GALNT14: variants seen among roughly 807,000 people sequenced by gnomAD.
The protein encoded by GALNT14 is polypeptide N-acetylgalactosaminyltransferase 14.
Under a neutral mutation model 77.5 loss-of-function variants are expected in GALNT14, and 60 were observed. That is an observed-to-expected ratio of 0.77 (90% CI 0.63 to 0.96). GALNT14 has a LOEUF of 0.96. Ranked by LOEUF, GALNT14 falls within the 40% of genes least tolerant of loss-of-function variation. The pLI, the probability that GALNT14 is intolerant of heterozygous loss-of-function variation, is 0.00. For missense variants in GALNT14, 710 were observed against 731.0 expected, an observed-to-expected ratio of 0.97 and a Z score of 0.33; for synonymous variants, 280 against 281.7, an observed-to-expected ratio of 0.99 and a Z score of 0.06.
In GALNT14 at chr2:30,992,835, T is replaced by G. The variant is rs1669789941; in HGVS notation, c.299+3A>C. 1.1e-5 allele frequency: 18 copies of G among 1,612,470 alleles called. No individual in the cohort carries two copies. The highest frequency in any genetic ancestry group is 1.5e-5 in the Non-Finnish European group (18 of 1,178,724). On this transcript the variant is annotated splice_donor_region_variant and intron_variant, in intron 2 of 14. Coordinates refer to ENST00000349752, the MANE Select transcript of GALNT14 (RefSeq NM_024572.4). The stretch of plus-strand genomic sequence containing the variant: ...GTAACAGAGTGGGAGAAGGAGGAAG[T>G]ACCTCAGATGGCGAGTGTCCGGGAT...
At chr2:30,994,921 T>C (rs1669929855) in intron 1 of GALNT14, among the ~76,000 whole-genome samples, 1 of 152,072 alleles carries the variant, frequency 6.6e-6, no homozygotes, top group South Asian at 2.1e-4. Context: ...TTCAATTACA[T>C]GAGCACGATG....
chr2:30,924,903 C>T (rs1229497549), intron 11 of GALNT14, 80 bp from the exon 12 acceptor site: 6 of 1,173,808 alleles, frequency 5.1e-6, no homozygotes, highest in Non-Finnish European at 7.5e-6. Flanking sequence ...CCAGTCCAGA[C>T]TGAGAACACA....
intron 1 of GALNT14, among the ~76,000 whole-genome samples, chr2:31,046,284 C>A (rs1266609059): frequency 6.8e-6 from 1 of 147,794 alleles, no homozygotes; most frequent in African/African-American, 2.5e-5. Flanking sequence ...TGGAGTGCAG[C>A]GGCACAATCT....
chr2:30,892,997 C>T, the GALNT14 span, among the ~76,000 whole-genome samples: 1 of 152,110 alleles, frequency 6.6e-6, no homozygotes, highest in Non-Finnish European at 1.5e-5. Flanking sequence ...AAATGTTATA[C>T]CTTTATAAAA....
chr2:30,955,927 T>G lies in GALNT14; in HGVS notation c.517A>C (p.Asn173His). ...IKLPKVKCLRNNERQGLVRSR... is the reference protein window; with the variant it reads ...IKLPKVKCLRHNERQGLVRSR... Reference sequence around the variant, plus strand: ...TCAGACCTACCTTGCCGTTCATTATTGCGCAAGCATTTCACCTTGGGCAAC... The same window carrying G: ...TCAGACCTACCTTGCCGTTCATTATGGCGCAAGCATTTCACCTTGGGCAAC... Residue 173 changes from asparagine to histidine, a missense_variant, in exon 5 of 15, where the codon AAT (asparagine) becomes CAT (histidine). Transcript: ENST00000349752. 1 of 1,614,140 alleles carries G rather than the reference T, an allele frequency of 6.2e-7. No individual in the cohort carries two copies. The highest frequency in any genetic ancestry group is 8.5e-7 in the Non-Finnish European group (1 of 1,180,056).
intron 2 of GALNT14, among the ~76,000 whole-genome samples, chr2:30,977,003 G>A (rs561193547): frequency 1.1e-4 from 17 of 152,092 alleles, no homozygotes; most frequent in South Asian, 2.1e-4. Flanking sequence ...CCTACCAGTC[G>A]GTGCCCTCAC....
the GALNT14 span, among the ~76,000 whole-genome samples, chr2:30,904,864 G>A: frequency 1.1e-4 from 17 of 152,194 alleles, no homozygotes; most frequent in African/African-American, 3.9e-4. Flanking sequence ...CTGGAGATCT[G>A]AGAACGGGCA....
At chr2:31,093,742 T>C (rs1398957675) in intron 1 of GALNT14, among the ~76,000 whole-genome samples, 1 of 152,266 alleles carries the variant, frequency 6.6e-6, no homozygotes, top group Non-Finnish European at 1.5e-5. Flanking sequence ...TTTATTTCTG[T>C]AGCATCCAGC....
the GALNT14 span, among the ~76,000 whole-genome samples, chr2:30,901,287 A>C: frequency 6.6e-6 from 1 of 152,166 alleles, no homozygotes; most frequent in African/African-American, 2.4e-5. Context: ...CAAGAGAGTG[A>C]GTCTCAGATC....
chr2:30,889,884 G>A, the GALNT14 span, among the ~76,000 whole-genome samples: 1 of 152,106 alleles, frequency 6.6e-6, no homozygotes, highest in South Asian at 2.1e-4. Flanking sequence ...CAAAACTCAA[G>A]TATTTTCTTG....
At chr2:31,031,585 T>C (rs555714727) in intron 1 of GALNT14, among the ~76,000 whole-genome samples, 1 of 152,276 alleles carries the variant, frequency 6.6e-6, no homozygotes, top group South Asian at 2.1e-4. Flanking sequence ...CCACTTCCTC[T>C]CACCTCCAAC....
intron 11 of GALNT14, among the ~76,000 whole-genome samples, chr2:30,927,407 T>C (rs772675936): frequency 1.3e-5 from 2 of 152,220 alleles, no homozygotes; most frequent in Non-Finnish European, 2.9e-5. Flanking sequence ...AGAATTTTCA[T>C]TTTAACAAGA....
At chr2:30,965,835 G>A (rs747544309) in intron 3 of GALNT14, among the ~76,000 whole-genome samples, 3 of 152,150 alleles carry the variant, frequency 2.0e-5, no homozygotes, top group Non-Finnish European at 2.9e-5. Context: ...TGGGGCTGGG[G>A]TGTGCACTCA....
intron 13 of GALNT14, among the ~76,000 whole-genome samples, chr2:30,918,284 G>A (rs1158630012): frequency 6.6e-6 from 1 of 152,176 alleles, no homozygotes; most frequent in East Asian, 1.9e-4. Context: ...TGATACCAGG[G>A]CTAGAATCCC....
intron 2 of GALNT14, among the ~76,000 whole-genome samples, chr2:30,974,689 G>C (rs1040807512): frequency 2.6e-5 from 4 of 152,148 alleles, no homozygotes; most frequent in Admixed American, 6.5e-5. Flanking sequence ...GTCTCCCAAG[G>C]CTTTTCCAAC....
chr2:30,952,351 G>C (rs1233646502), intron 6 of GALNT14, among the ~76,000 whole-genome samples: 2 of 151,674 alleles, frequency 1.3e-5, no homozygotes, highest in Non-Finnish European at 2.9e-5. Context: ...CAAAGACGTG[G>C]AACCAACCCA....
At chr2:30,965,693 A>C (rs1171961047) in intron 3 of GALNT14, among the ~76,000 whole-genome samples, 1 of 152,148 alleles carries the variant, frequency 6.6e-6, no homozygotes, top group East Asian at 1.9e-4. Context: ...GGGAACGGGG[A>C]TGGAACTGCA....
In GALNT14 at chr2:30,958,472, A is replaced by G; in HGVS notation, c.399-8T>C. The G allele has an allele frequency of 6.2e-7, 1 of 1,613,142 alleles. No individual in the cohort carries two copies. The highest frequency in any genetic ancestry group is 8.5e-7 in the Non-Finnish European group (1 of 1,179,218). On this transcript the variant is annotated splice_region_variant and splice_polypyrimidine_tract_variant and intron_variant, in intron 3 of 14. Coordinates refer to ENST00000349752, the MANE Select transcript of GALNT14 (RefSeq NM_024572.4). ...GGGGTGCGGTTTAATACACTGCAAGATGGAAACAGAAAAAAATCACTGGAA... is the reference window on the plus strand; with the variant it reads ...GGGGTGCGGTTTAATACACTGCAAGGTGGAAACAGAAAAAAATCACTGGAA...
intron 2 of GALNT14, among the ~76,000 whole-genome samples, chr2:30,970,767 G>A (rs780835085): frequency 6.6e-6 from 1 of 152,246 alleles, no homozygotes; most frequent in Non-Finnish European, 1.5e-5. Context: ...AGGGCAGGTA[G>A]TGGGGTGCCA....
Sources: allele counts gnomAD v4.1 joint callset (sites outside exome capture counted in the v4.1 genomes callset), GRCh38; gene constraint gnomAD v4.1.1; transcripts MANE v1.5; gene names NCBI Gene and HGNC (gene_info 2026-07-23, HGNC 2026-07-21).